Variants in GRHPR observed in about 807,000 individuals in gnomAD.
GRHPR encodes the protein glyoxylate and hydroxypyruvate reductase.
Under a neutral mutation model 36.8 loss-of-function variants are expected in GRHPR, and 35 were observed. The observed-to-expected ratio is 0.95, with a 90% CI of 0.73 to 1.26. The LOEUF is 1.26. GRHPR is among the 50% of genes most tolerant of loss of function. The probability of loss-of-function intolerance (pLI) is 0.00; values close to 1 mark genes in which losing one functional copy is unlikely to be tolerated. For synonymous variants in GRHPR, 179 were observed against 181.0 expected (o/e 0.99, Z 0.09); for missense variants, 380 against 435.0 (o/e 0.87, Z 1.12).
In GRHPR at chr9:37,432,040, A is replaced by AG. The variant is rs775659622; in HGVS notation, c.769dup (p.Ala257GlyfsTer6). The AG allele has an allele frequency of 1.2e-6, 2 of 1,614,024 alleles. No homozygotes were observed. The highest frequency in any genetic ancestry group is 2.7e-5 in the African/African-American group (2 of 74,938). On this transcript the variant is annotated frameshift_variant, in exon 8 of 9. Transcript: ENST00000318158. LOFTEE classifies it high-confidence loss of function. The stretch of plus-strand genomic sequence containing the variant: ...GTCGTAAACCAGGACGACCTGTACC[A>AG]GGCCTTGGCCAGTGGTAAGATTGCA...
Position 37,436,819 on chromosome 9 carries a change from T to C in GRHPR, c.*37T>C. The C allele has an allele frequency of 6.2e-7, 1 of 1,612,060 alleles. No individual in the cohort carries two copies. Among genetic ancestry groups the C allele is most frequent in the African/African-American group, 1.3e-5 (1 of 74,998 alleles). ...AGATGGAGGGCCGGGAAGCAAACCG[T>C]GCCCTGGTATTGTCAGACACACCCA... On this transcript the variant is annotated 3_prime_UTR_variant, in exon 9 of 9. Coordinates refer to ENST00000318158, the MANE Select transcript of GRHPR (RefSeq NM_012203.2).
chr9:37,433,010 C>G (rs1823444806), intron 8 of GRHPR, among the ~76,000 whole-genome samples: 1 of 152,218 alleles, frequency 6.6e-6, no homozygotes, highest in South Asian at 2.1e-4. Flanking sequence ...GGAGTGGCAG[C>G]AGCACTTCTT....
chr9:37,426,323 C>G (rs898257858), intron 3 of GRHPR: 1 of 633,018 alleles, frequency 1.6e-6, no homozygotes, highest in South Asian at 1.8e-5. Context: ...TTGTTCAGTC[C>G]CTGAACCCTG....
Position 37,428,476 on chromosome 9 carries a change from C to G in GRHPR, c.405-8C>G. ...GGGCCTCTCACCTGCCCCTCTCTCT[C>G]CCCTCAGTGGTGGCTGGACCTCGTG... On this transcript the variant is annotated splice_region_variant and splice_polypyrimidine_tract_variant and intron_variant, in intron 4 of 8. Coordinates refer to ENST00000318158, the MANE Select transcript of GRHPR (RefSeq NM_012203.2). The G allele has an allele frequency of 6.3e-7, 1 of 1,590,602 alleles. No homozygotes were observed. The highest frequency in any genetic ancestry group is 8.6e-7 in the Non-Finnish European group (1 of 1,159,412).
intron 4 of GRHPR, 157 bp from the exon 5 acceptor site, chr9:37,428,327 A>C: frequency 3.0e-6 from 2 of 674,192 alleles, no homozygotes; most frequent in Non-Finnish European, 5.5e-6. Flanking sequence ...TCTGCTGCTC[A>C]TCTGCAGTGC....
chr9:37,429,899 C>A, intron 6 of GRHPR, 63 bp downstream of exon 6: 1 of 990,452 alleles, frequency 1.0e-6, no homozygotes, highest in South Asian at 1.3e-5. Context: ...TGTATTTTCT[C>A]TCAATGGTGG....
chr9:37,429,711 CA>C lies in GRHPR; in HGVS notation c.494-20del. On this transcript the variant is annotated intron_variant, in intron 5 of 8. Coordinates refer to ENST00000318158, the MANE Select transcript of GRHPR (RefSeq NM_012203.2). ...ACCCTTTGCGGGACTGGGAACGAGA[CA>C]TGGACTCTCCTTGCTCTAGGCCAGG... The C allele has an allele frequency of 6.6e-7, 1 of 1,523,068 alleles. No individual in the cohort carries two copies. The highest frequency in any genetic ancestry group is 1.7e-4 in the Middle Eastern group (1 of 5,898). The allele number at this position is 1,523,068 out of a possible 1,614,324, so 94.3% of individuals were successfully genotyped here. A position where few individuals can be genotyped will look rare whatever the true frequency, so the allele number is the denominator to read the frequency against.
chr9:37,428,777 C>G (rs1251435339), intron 5 of GRHPR: 1 of 689,162 alleles, frequency 1.5e-6, no homozygotes, highest in Admixed American at 2.0e-5. Context: ...AAGAACTCAC[C>G]AGGTGATAAA....
At chr9:37,431,077 AC>A in intron 7 of GRHPR, 1 of 470,564 alleles carries the variant, frequency 2.1e-6, no homozygotes. Context: ...GGGCGGACAG[AC>A]CCTAAAACTC....
At chr9:37,433,835 T>C (rs1291944814) in intron 8 of GRHPR, 1 of 384,790 alleles carries the variant, frequency 2.6e-6, no homozygotes, top group South Asian at 1.5e-4. Context: ...GGGCCTTAGG[T>C]TGTCCGGGCC....
rs2118865388 is a variant in GRHPR at position 37,426,566 on chromosome 9, G to A, written c.316G>A (p.Val106Ile). The A allele has an allele frequency of 6.2e-7, 1 of 1,613,350 alleles. No homozygotes were observed. Among genetic ancestry groups the A allele is most frequent in the East Asian group, 2.2e-5 (1 of 44,892 alleles). Residue 106 changes from valine (V) to isoleucine (I), a missense_variant, in exon 4 of 9, where the codon GTC becomes ATC. Val to Ile is a conservative substitution (Grantham distance 29, BLOSUM62 3). Coordinates refer to ENST00000318158, the MANE Select transcript of GRHPR (RefSeq NM_012203.2). Reference protein sequence around the residue: ...RGIRVGYTPDVLTDTTAELAV... With the variant: ...RGIRVGYTPDILTDTTAELAV... ...GATCCGAGTTGGCTACACCCCAGAT[G>A]TCCTGACAGATACCACCGCCGAACT...
chr9:37,434,018 G>A, intron 8 of GRHPR: 1 of 379,392 alleles, frequency 2.6e-6, no homozygotes, highest in East Asian at 3.8e-5. Flanking sequence ...CCACAGCCAG[G>A]AAAACTGCCC....
rs368088674 is a variant in GRHPR, at chr9:37,431,970, G to A, written c.735-38G>A. On this transcript the variant is annotated intron_variant, in intron 7 of 8. Coordinates refer to ENST00000318158, the MANE Select transcript of GRHPR (RefSeq NM_012203.2). ...GCCTCAAAGGTGGCCTGGGCGGAGG[G>A]ATCTTCGGGGTACCCATGTCACCAC... 2.3e-5 allele frequency: 37 copies of A among 1,612,410 alleles called. No homozygotes were observed. The African/African-American group carries it at 4.8e-4, about 21-fold the overall frequency.
intron 8 of GRHPR, among the ~76,000 whole-genome samples, chr9:37,435,279 T>C (rs898533421): frequency 6.6e-6 from 1 of 151,782 alleles, no homozygotes; most frequent in African/African-American, 2.4e-5. Context: ...AGAGGCCAAA[T>C]AGTCAGATGC....
At chr9:37,434,514 G>C (rs1013927768) in intron 8 of GRHPR, 6 of 446,864 alleles carry the variant, frequency 1.3e-5, no homozygotes, top group African/African-American at 1.2e-4. Context: ...TAGAGGAAAA[G>C]CCCGCAGAAC....
At chr9:37,426,086 T>C in intron 3 of GRHPR, 92 bp downstream of exon 3, 1 of 885,594 alleles carries the variant, frequency 1.1e-6, no homozygotes, top group Non-Finnish European at 1.9e-6. Flanking sequence ...TGCATATCCC[T>C]CGGCCATTCA....
chr9:37,429,709 G>C, intron 5 of GRHPR, 23 bp from the exon 6 acceptor site: 1 of 1,517,502 alleles, frequency 6.6e-7, no homozygotes, highest in Non-Finnish European at 9.2e-7. Flanking sequence ...CTGGGAACGA[G>C]ACATGGACTC....
chr9:37,425,797 G>T, intron 2 of GRHPR, 125 bp from the exon 3 acceptor site: 1 of 706,590 alleles, frequency 1.4e-6, no homozygotes, highest in African/African-American at 1.7e-5. Context: ...TTTAACTGAA[G>T]AACAGAGATG....
chr9:37,425,995 G>A lies in GRHPR; in HGVS notation c.287+1G>A, dbSNP rs1823059488. ...TGGCTTTGGATGAAATCAAGAAGCG[G>A]TAACTGCAGCTTGGGATCTGGAGGG... On this transcript the variant is annotated splice_donor_variant, in intron 3 of 8. Transcript: ENST00000318158. LOFTEE classifies it high-confidence loss of function. 1 of 1,603,614 alleles carries A rather than the reference G, an allele frequency of 6.2e-7. No homozygotes were observed. Among genetic ancestry groups the A allele is most frequent in the Non-Finnish European group, 8.5e-7 (1 of 1,170,484 alleles).
Sources: gnomAD v4.1 joint callset for allele counts (sites outside exome capture counted in the v4.1 genomes callset) on GRCh38, gnomAD v4.1.1 for gene constraint, MANE v1.5 for transcripts, NCBI Gene and HGNC (gene_info 2026-07-23, HGNC 2026-07-21) for gene names.